The following ZFPM1 variants were observed in gnomAD, a reference collection of about 807,000 sequenced individuals.
ZFPM1 encodes the protein zinc finger protein, FOG family member 1.
In ZFPM1, 28 loss-of-function variants were observed where a neutral mutation model predicts 46.3. The observed-to-expected ratio is 0.60, with a 90% confidence interval of 0.45 to 0.83. The LOEUF is 0.83. Among genes scored for constraint, ZFPM1 ranks in the 40% least tolerant of loss-of-function variants. The pLI is 0.00. For synonymous variants in ZFPM1, 957 were observed against 675.9 expected, an observed-to-expected ratio of 1.42 and a Z score of -6.45; for missense variants, 1,878 against 1,432.4, an observed-to-expected ratio of 1.31 and a Z score of -5.02.
rs140958232 is a variant in ZFPM1 at position 88,500,797 on chromosome 16, G to T, written c.268+11644G>T. Among the ~76,000 whole-genome samples, 969 of 152,362 alleles carry T rather than the reference G, an allele frequency of 6.4e-3. 8 individuals carry two copies. Among genetic ancestry groups the T allele is most frequent in the African/African-American group, 0.022 (909 of 41,580 alleles). On this transcript the variant is annotated intron_variant, in intron 3 of 9. Transcript: ENST00000319555. ...CTGCTGGGGCAGGGCAGGGCCCACA[G>T]TTTCTCTTTCCCAGCAAGTCTGCGT...
At chr16:88,517,729 G>A (rs1911437808) in intron 4 of ZFPM1, among the ~76,000 whole-genome samples, 1 of 136,284 alleles carries the variant, frequency 7.3e-6, no homozygotes, top group Admixed American at 7.1e-5. Context: ...TGGATAGATG[G>A]ATGGATGAAT....
At position 88,469,552 on chromosome 16, in the gene ZFPM1, G is replaced by C. The variant is rs1040597363; in HGVS notation, c.40+15874G>C. 2.0e-5 allele frequency among the ~76,000 whole-genome samples: 3 copies of C among 152,138 alleles called. No individual in the cohort carries two copies. The highest frequency in any genetic ancestry group is 7.2e-5 in the African/African-American group (3 of 41,422). On this transcript the variant is annotated intron_variant, in intron 1 of 9. Transcript: ENST00000319555. The surrounding 1 kb of genome is among the most constrained non-coding windows in gnomAD (Gnocchi z 4.3). ...TGTGCCAGGAGACCATGTCTACAGG[G>C]GGCTTAGGACACCTTAGGGGGCATG... is the stretch of plus-strand genomic sequence containing the variant.
At chr16:88,490,280 C>T (rs949640335) in intron 3 of ZFPM1, among the ~76,000 whole-genome samples, 1 of 152,168 alleles carries the variant, frequency 6.6e-6, no homozygotes, top group South Asian at 2.1e-4. Context: ...TCTCGATCTC[C>T]TGACCTCGTG....
At chr16:88,465,826 C>T (rs963257996) in intron 1 of ZFPM1, among the ~76,000 whole-genome samples, 5 of 152,348 alleles carry the variant, frequency 3.3e-5, no homozygotes, top group East Asian at 1.9e-4. Context: ...CGAGATCCGG[C>T]GCTGATGGAG....
chr16:88,463,232 G>C (rs1907980579), intron 1 of ZFPM1, among the ~76,000 whole-genome samples: 1 of 152,228 alleles, frequency 6.6e-6, no homozygotes, highest in South Asian at 2.1e-4. Flanking sequence ...CGGGGACAGG[G>C]GACAGGGCCT....
At chr16:88,505,918 C>T (rs1281325852) in intron 3 of ZFPM1, among the ~76,000 whole-genome samples, 5 of 152,250 alleles carry the variant, frequency 3.3e-5, no homozygotes. Flanking sequence ...CAAGGACAGG[C>T]ACCCCCCGCA....
rs1913187999 is a variant in ZFPM1 at position 88,535,095 on chromosome 16, C to T, written c.*116C>T. 8 of 1,260,942 alleles carry T rather than the reference C, an allele frequency of 6.3e-6. No homozygotes were observed. In the Admixed American group the frequency reaches 1.1e-4, roughly 17 times the overall value. The allele number at this position is 1,260,942 out of a possible 1,614,324, so 78.1% of individuals were successfully genotyped here. On this transcript the variant is annotated 3_prime_UTR_variant, in exon 10 of 10. Coordinates refer to ENST00000319555, the MANE Select transcript of ZFPM1 (RefSeq NM_153813.3). The stretch of plus-strand genomic sequence containing the variant: ...GAACCCCGCCACGCACAGGCCTCGG[C>T]GGAGGGGGCCGCAGGGGGCAGCGCC...
rs967907665 is a variant in ZFPM1, at chr16:88,525,547, G to A, written c.403-1267G>A. Among the ~76,000 whole-genome samples the A allele has an allele frequency of 7.2e-5, 11 of 152,378 alleles. No individual in the cohort carries two copies. The East Asian group carries it at 1.7e-3, about 24-fold the overall frequency. The stretch of plus-strand genomic sequence containing the variant: ...GTTTACAGGAAGTGCTGGAGCACGC[G>A]TGTATGCTGTGCCTCCAGATTGGAC... On this transcript the variant is annotated intron_variant, in intron 4 of 9. Coordinates refer to ENST00000319555, the MANE Select transcript of ZFPM1 (RefSeq NM_153813.3).
Position 88,453,644 on chromosome 16 carries a change from C to T in ZFPM1, c.6C>T (p.Ser2=). The change falls in exon 1 of 10, where the codon TCC becomes TCT. Residue 2 remains serine, a synonymous_variant. Transcript: ENST00000319555. ...GGGCGCGCGGCGCCGGAGACATGTCCAGGCGGAAACAGAGCAACCCCCGGC... is the reference window on the plus strand; with the variant it reads ...GGGCGCGCGGCGCCGGAGACATGTCTAGGCGGAAACAGAGCAACCCCCGGC... M[S]RRKQSNPRQI... is the part of the protein sequence containing the mutation. The T allele has an allele frequency of 1.7e-6, 2 of 1,173,920 alleles. No individual in the cohort carries two copies. The highest frequency in any genetic ancestry group is 2.1e-6 in the Non-Finnish European group (2 of 932,538). 72.7% of individuals were successfully genotyped at this position (1,173,920 alleles called of 1,614,324 possible).
Position 88,466,544 on chromosome 16 carries a change from G to C in ZFPM1, c.40+12866G>C, listed in dbSNP as rs543939371. Among the ~76,000 whole-genome samples the C allele has an allele frequency of 2.6e-5, 4 of 152,364 alleles. No homozygotes were observed. In the South Asian group the frequency reaches 6.2e-4, roughly 24 times the overall value. On this transcript the variant is annotated intron_variant, in intron 1 of 9. Transcript: ENST00000319555. ...CTTTCAGGGAGAAAGGCCAAGCACA[G>C]AAAGGGCAGGGGACGGCTGAGGGCC...
chr16:88,459,943 C>G lies in ZFPM1; in HGVS notation c.40+6265C>G, dbSNP rs116084181. On this transcript the variant is annotated intron_variant, in intron 1 of 9. Transcript: ENST00000319555. ...CACAGGGGCCCTGCCTTGGAAGGGC[C>G]CCTCAACCCTGCTGCTCACATAGCT... Among the ~76,000 whole-genome samples the G allele has an allele frequency of 5.2e-3, 782 of 151,274 alleles. 7 individuals carry two copies. The highest frequency in any genetic ancestry group is 0.018 in the African/African-American group (738 of 41,172).
At chr16:88,523,063 G>A (rs1360183031) in intron 4 of ZFPM1, among the ~76,000 whole-genome samples, 1 of 152,124 alleles carries the variant, frequency 6.6e-6, no homozygotes, top group Non-Finnish European at 1.5e-5. Context: ...AAAATTAGCT[G>A]GGTGTGGTGG....
chr16:88,488,880 C>A (rs1909391471), intron 2 of ZFPM1, 151 bp from the exon 3 acceptor site: 3 of 1,187,352 alleles, frequency 2.5e-6, no homozygotes, highest in South Asian at 1.6e-5. Flanking sequence ...TCTGTCCCAC[C>A]CCAGTGAGAG....
rs146966883 is a variant in ZFPM1 at position 88,492,558 on chromosome 16, C to T, written c.268+3405C>T. Among the ~76,000 whole-genome samples, 64 of 152,358 alleles carry T rather than the reference C, an allele frequency of 4.2e-4. No homozygotes were observed. In the East Asian group the frequency reaches 9.3e-3, roughly 22 times the overall value. On this transcript the variant is annotated intron_variant, in intron 3 of 9. Coordinates refer to ENST00000319555, the MANE Select transcript of ZFPM1 (RefSeq NM_153813.3). ...CCGGTCACGCTGCAGAGCCCAGAGC[C>T]CAGGGCCCTCATCTGCTGGCTGGAC... is the stretch of plus-strand genomic sequence containing the variant.
chr16:88,490,685 G>A (rs1909515153), intron 3 of ZFPM1, among the ~76,000 whole-genome samples: 1 of 152,190 alleles, frequency 6.6e-6, no homozygotes, highest in Non-Finnish European at 1.5e-5. Flanking sequence ...GCCACAGAGA[G>A]AGGGGTGGGC....
chr16:88,534,089 G>A lies in ZFPM1; in HGVS notation c.2131G>A (p.Asp711Asn), dbSNP rs1252884847. Residue 711 changes from aspartate (D) to asparagine (N), a missense_variant, in exon 10 of 10, where the codon GAC (aspartate) becomes AAC (asparagine). Transcript: ENST00000319555. ...GCGGTACTACTGCGCCTCGCGCCACGACCCGCCGCCGCGCCGACCGGCCGC... is the reference window on the plus strand; with the variant it reads ...GCGGTACTACTGCGCCTCGCGCCACAACCCGCCGCCGCGCCGACCGGCCGC... ...HKRYYCASRHDPPPRRPAAPP... is the reference protein window; with the variant it reads ...HKRYYCASRHNPPPRRPAAPP... 68 of 1,197,834 alleles carry A rather than the reference G, an allele frequency of 5.7e-5. No homozygotes were observed. Among genetic ancestry groups the A allele is most frequent in the Non-Finnish European group, 6.8e-5 (64 of 943,832 alleles). The allele number at this position is 1,197,834 out of a possible 1,614,324, so 74.2% of individuals were successfully genotyped here.
At chr16:88,461,728 G>A (rs1907900481) in intron 1 of ZFPM1, among the ~76,000 whole-genome samples, 1 of 152,130 alleles carries the variant, frequency 6.6e-6, no homozygotes, top group Non-Finnish European at 1.5e-5. Context: ...GTTAGGTTTT[G>A]AAGGGAGGAG....
At chr16:88,455,906 G>A (rs1297390463) in intron 1 of ZFPM1, among the ~76,000 whole-genome samples, 1 of 152,198 alleles carries the variant, frequency 6.6e-6, no homozygotes, top group Non-Finnish European at 1.5e-5. Context: ...AGCCCGCTGG[G>A]TTTTCCTCCC....
chr16:88,515,865 G>A (rs1911265750), intron 4 of ZFPM1, among the ~76,000 whole-genome samples: 1 of 152,230 alleles, frequency 6.6e-6, no homozygotes, highest in African/African-American at 2.4e-5. Flanking sequence ...TCCTTCTGGG[G>A]TGCTGGGATG....
Sources: gnomAD v4.1 joint callset for allele counts (sites outside exome capture counted in the v4.1 genomes callset) on GRCh38, gnomAD v4.1.1 for gene constraint, Gnocchi (gnomAD v3.1) non-coding constraint, MANE v1.5 for transcripts, NCBI Gene and HGNC (gene_info 2026-07-23, HGNC 2026-07-21) for gene names.